PDE10A: variants seen among roughly 807,000 people sequenced by gnomAD.
The protein encoded by PDE10A is phosphodiesterase 10A, also known as cAMP and cAMP-inhibited cGMP 3',5'-cyclic phosphodiesterase 10A.
A neutral mutation model predicts 97.7 loss-of-function variants in PDE10A; 39 were observed. The ratio of observed to expected loss-of-function variants is 0.40; its 90% CI spans 0.31 to 0.52. The LOEUF is 0.52. Ranked by LOEUF, PDE10A falls within the 20% of genes least tolerant of loss-of-function variation. The pLI, the probability that PDE10A is intolerant of heterozygous loss-of-function variation, is 0.56. For synonymous variants in PDE10A, 371 were observed against 376.8 expected (o/e 0.98, Z 0.18); for missense variants, 731 against 1,047.8 (o/e 0.70, Z 4.17).
At chr6:165,856,797 T>C (rs1408547616) in intron 1 of PDE10A, among the ~76,000 whole-genome samples, 1 of 152,202 alleles carries the variant, frequency 6.6e-6, no homozygotes, top group Non-Finnish European at 1.5e-5. Context: ...TTTCTCTGTT[T>C]TCCTGTTAAG....
At chr6:165,591,338 A>G (rs897203569) in intron 1 of PDE10A, among the ~76,000 whole-genome samples, 1 of 152,232 alleles carries the variant, frequency 6.6e-6, no homozygotes, top group Non-Finnish European at 1.5e-5. Context: ...ATTCTTTGAA[A>G]ACAGAAACTG....
In PDE10A at chr6:165,507,054, G is replaced by A. The variant is rs555659174; in HGVS notation, c.995-24711C>T. On this transcript the variant is annotated intron_variant, in intron 2 of 21. Transcript: ENST00000539869. The stretch of plus-strand genomic sequence containing the variant: ...GGTGATCCTGGAAAGAGTGTGGTTG[G>A]CTGAAACTACCTGCCACCCTGCTGC... Among the ~76,000 whole-genome samples the A allele has an allele frequency of 1.7e-3, 259 of 151,516 alleles. 1 individual carries two copies. Among genetic ancestry groups the A allele is most frequent in the African/African-American group, 6.0e-3 (248 of 41,360 alleles).
At chr6:165,874,898 G>A (rs1027776460) in intron 1 of PDE10A, among the ~76,000 whole-genome samples, 11 of 152,030 alleles carry the variant, frequency 7.2e-5, no homozygotes, top group Non-Finnish European at 1.6e-4. Context: ...AAAAAGACAA[G>A]GAACTTAATC....
intron 1 of PDE10A, among the ~76,000 whole-genome samples, chr6:165,742,800 C>T (rs534274867): frequency 6.6e-6 from 1 of 152,218 alleles, no homozygotes; most frequent in East Asian, 1.9e-4. Flanking sequence ...CCCCCTACGT[C>T]CCACTGCTGA....
At chr6:165,733,555 G>A (rs1293526687) in intron 1 of PDE10A, among the ~76,000 whole-genome samples, 3 of 152,164 alleles carry the variant, frequency 2.0e-5, no homozygotes, top group Non-Finnish European at 4.4e-5. Context: ...TGAATAAAAA[G>A]CACAGTAGAA....
chr6:165,739,441 A>G (rs1056264461), intron 1 of PDE10A, among the ~76,000 whole-genome samples: 1 of 152,220 alleles, frequency 6.6e-6, no homozygotes, highest in Non-Finnish European at 1.5e-5. Flanking sequence ...TTCACAGCCA[A>G]AAGAATGAAA....
At chr6:165,573,477 C>T (rs1395144841) in intron 1 of PDE10A, among the ~76,000 whole-genome samples, 1 of 152,102 alleles carries the variant, frequency 6.6e-6, no homozygotes, top group African/African-American at 2.4e-5. Context: ...TTTCCCCCTC[C>T]TCATAGATTT....
chr6:165,424,807 A>T (rs913199413), intron 10 of PDE10A, among the ~76,000 whole-genome samples: 1 of 152,192 alleles, frequency 6.6e-6, no homozygotes, highest in African/African-American at 2.4e-5. Context: ...GTAATAATAC[A>T]ATTGTCTACT....
At chr6:165,883,105 G>A (rs544207767) in intron 1 of PDE10A, among the ~76,000 whole-genome samples, 10 of 152,266 alleles carry the variant, frequency 6.6e-5, no homozygotes, top group Non-Finnish European at 8.8e-5. Flanking sequence ...GTGCAGTGGC[G>A]CACGCCTGCA....
intron 1 of PDE10A, among the ~76,000 whole-genome samples, chr6:165,716,266 T>C (rs989860677): frequency 2.6e-5 from 4 of 152,230 alleles, no homozygotes; most frequent in Non-Finnish European, 2.9e-5. Flanking sequence ...ACGCACAGTA[T>C]GATTGCTTTA....
intron 5 of PDE10A, among the ~76,000 whole-genome samples, chr6:165,445,414 C>T (rs1790775516): frequency 6.6e-6 from 1 of 152,150 alleles, no homozygotes; most frequent in Non-Finnish European, 1.5e-5. Context: ...GAGGGAATTA[C>T]TAATGACTGA....
At chr6:165,432,857 G>T in intron 7 of PDE10A, 117 bp downstream of exon 7, 2 of 727,254 alleles carry the variant, frequency 2.8e-6, no homozygotes, top group Non-Finnish European at 4.6e-6. Context: ...AGCAAATTGT[G>T]ATTTTAAATA....
At position 165,654,166 on chromosome 6, in the gene PDE10A, C is replaced by T. The variant is rs754113069; in HGVS notation, c.865+7781G>A. On this transcript the variant is annotated intron_variant, in intron 1 of 21. Coordinates refer to ENST00000539869, the MANE Select transcript of PDE10A (RefSeq NM_001385079.1). Reference sequence around the variant, plus strand: ...ACATTTACTCTGCCAGCCCTTTCTCCGATCCCCCCTGTACACCGGTACTGC... The same window carrying T: ...ACATTTACTCTGCCAGCCCTTTCTCTGATCCCCCCTGTACACCGGTACTGC... 4.6e-5 allele frequency among the ~76,000 whole-genome samples: 7 copies of T among 152,286 alleles called. No homozygotes were observed. The South Asian group carries it at 6.2e-4, about 14-fold the overall frequency.
At chr6:165,902,350 G>A (rs927473358) in intron 1 of PDE10A, among the ~76,000 whole-genome samples, 9 of 152,208 alleles carry the variant, frequency 5.9e-5, no homozygotes, top group South Asian at 2.1e-4. Flanking sequence ...GCCGGCTGCC[G>A]AGCTGTGAGT....
At chr6:165,758,172 T>C (rs1410777576) in intron 1 of PDE10A, among the ~76,000 whole-genome samples, 1 of 152,210 alleles carries the variant, frequency 6.6e-6, no homozygotes, top group East Asian at 1.9e-4. Context: ...GATTTTTCAA[T>C]TAAAAAATAC....
At chr6:165,750,337 T>C (rs1186606933) in intron 1 of PDE10A, among the ~76,000 whole-genome samples, 1 of 152,104 alleles carries the variant, frequency 6.6e-6, no homozygotes, top group East Asian at 1.9e-4. Flanking sequence ...TGGAAAAGGA[T>C]CCAGTCCTGG....
chr6:165,878,629 T>C (rs1781403456), intron 1 of PDE10A, among the ~76,000 whole-genome samples: 1 of 152,178 alleles, frequency 6.6e-6, no homozygotes, highest in Admixed American at 6.5e-5. Flanking sequence ...CCCAAAGACA[T>C]CCACGTCTTA....
intron 1 of PDE10A, among the ~76,000 whole-genome samples, chr6:165,920,571 T>TACAC (rs1782727032): frequency 7.1e-6 from 1 of 141,524 alleles, no homozygotes; most frequent in South Asian, 2.3e-4. Context: ...CACACACACT[T>TACAC]ACACATACCT....
intron 1 of PDE10A, among the ~76,000 whole-genome samples, chr6:165,649,952 G>A (rs1789593387): frequency 6.6e-6 from 1 of 152,206 alleles, no homozygotes; most frequent in African/African-American, 2.4e-5. Flanking sequence ...AAATAGAAGT[G>A]ATGCTTTCCA....
Sources: allele counts gnomAD v4.1 joint callset (sites outside exome capture counted in the v4.1 genomes callset), GRCh38; gene constraint gnomAD v4.1.1; transcripts MANE v1.5; gene names NCBI Gene and HGNC (gene_info 2026-07-23, HGNC 2026-07-21).